Variants in EFNA5 observed in about 807,000 individuals in gnomAD.
EFNA5 encodes ephrin A5, also known as ephrin-A5.
Under a neutral mutation model 22.9 loss-of-function variants are expected in EFNA5, and 5 were observed. That is an observed-to-expected ratio of 0.22 (90% CI 0.11 to 0.46). The LOEUF is 0.46. Among genes scored for constraint, EFNA5 ranks in the 20% least tolerant of loss-of-function variants. EFNA5 has a pLI of 0.99. For synonymous variants in EFNA5, 113 were observed against 112.2 expected (o/e 1.01, Z -0.04); for missense variants, 237 against 293.3 (o/e 0.81, Z 1.40).
intron 2 of EFNA5, among the ~76,000 whole-genome samples, chr5:107,419,436 T>G (rs1364743193): frequency 6.6e-6 from 1 of 152,202 alleles, no homozygotes; most frequent in African/African-American, 2.4e-5. Flanking sequence ...AGACCCGATA[T>G]AATTCTTAAA....
At position 107,417,401 on chromosome 5, in the gene EFNA5, C is replaced by G. The variant is rs538032386; in HGVS notation, c.418+9816G>C. Among the ~76,000 whole-genome samples the G allele has an allele frequency of 4.6e-5, 7 of 152,112 alleles. No individual in the cohort carries two copies. In the East Asian group the frequency reaches 7.7e-4, roughly 17 times the overall value. ...ATAGCATACATATTAAAGTTCTGTT[C>G]CTAATGTGGATTTTATACAATCTGA... On this transcript the variant is annotated intron_variant, in intron 2 of 4. Transcript: ENST00000333274.
intron 1 of EFNA5, among the ~76,000 whole-genome samples, chr5:107,544,112 G>A (rs10053318): frequency 0.17 from 26,549 of 151,946 alleles, 2,431 homozygotes; most frequent in South Asian, 0.23. Flanking sequence ...CTTGCGAATC[G>A]CCCCTGGTGG....
intron 1 of EFNA5, among the ~76,000 whole-genome samples, chr5:107,501,749 T>G (rs26251): frequency 0.37 from 55,711 of 152,084 alleles, 10,371 homozygotes; most frequent in South Asian, 0.5. Flanking sequence ...GCAGCAATTA[T>G]TTTCATAACC....
At chr5:107,540,374 T>C (rs923629310) in intron 1 of EFNA5, among the ~76,000 whole-genome samples, 3 of 152,066 alleles carry the variant, frequency 2.0e-5, no homozygotes, top group African/African-American at 7.2e-5. Context: ...ATAAAAAGAA[T>C]CCCATTTATT....
At chr5:107,473,911 G>A (rs565561873) in intron 1 of EFNA5, among the ~76,000 whole-genome samples, 4 of 151,922 alleles carry the variant, frequency 2.6e-5, no homozygotes, top group South Asian at 2.1e-4. Flanking sequence ...CGCCTTTCTC[G>A]GCCTCCCAAA....
At chr5:107,399,323 A>C (rs1280024118) in intron 2 of EFNA5, among the ~76,000 whole-genome samples, 1 of 95,594 alleles carries the variant, frequency 1.0e-5, no homozygotes, top group Non-Finnish European at 2.3e-5. Flanking sequence ...GGAAACGGAA[A>C]GGAAAGGAAA....
chr5:107,514,176 C>T lies in EFNA5; in HGVS notation c.126-86667G>A, dbSNP rs1747431393. 3.3e-5 allele frequency among the ~76,000 whole-genome samples: 5 copies of T among 152,116 alleles called. No individual in the cohort carries two copies. The South Asian group carries it at 1.0e-3, about 32-fold the overall frequency. On this transcript the variant is annotated intron_variant, in intron 1 of 4. Coordinates refer to ENST00000333274, the MANE Select transcript of EFNA5 (RefSeq NM_001962.3). Reference sequence around the variant, plus strand: ...TCAATCTTCCCTTCTCTTCTGGCACCAAGTTATGAAGCATCCCTGATCTTC... The same window carrying T: ...TCAATCTTCCCTTCTCTTCTGGCACTAAGTTATGAAGCATCCCTGATCTTC...
intron 1 of EFNA5, among the ~76,000 whole-genome samples, chr5:107,508,343 A>C (rs1747294517): frequency 6.6e-6 from 1 of 152,202 alleles, no homozygotes; most frequent in Non-Finnish European, 1.5e-5. Context: ...GTGTGAGGTC[A>C]CCGTATTATA....
chr5:107,670,796 G>T lies in EFNA5; in HGVS notation c.-183C>A. The T allele has an allele frequency of 1.3e-6, 1 of 753,586 alleles. No homozygotes were observed. Among genetic ancestry groups the T allele is most frequent in the Non-Finnish European group, 2.1e-6 (1 of 480,406 alleles). 46.7% of individuals were successfully genotyped at this position (753,586 alleles called of 1,614,324 possible). A position where few individuals can be genotyped will look rare whatever the true frequency, so the allele number is the denominator to read the frequency against. On this transcript the variant is annotated 5_prime_UTR_variant, in exon 1 of 5. Coordinates refer to ENST00000333274, the MANE Select transcript of EFNA5 (RefSeq NM_001962.3). ...CCAAGCTGGGGAGGGGTAGGAGAGC[G>T]AGAAGAAAAGAAGGCGGTGGGATGG...
At chr5:107,383,766 C>G (rs1747532791) in intron 4 of EFNA5, among the ~76,000 whole-genome samples, 1 of 152,178 alleles carries the variant, frequency 6.6e-6, no homozygotes, top group South Asian at 2.1e-4. Flanking sequence ...GAGGGCTATC[C>G]ATTATTCCAG....
intron 1 of EFNA5, among the ~76,000 whole-genome samples, chr5:107,600,600 C>T (rs1369548809): frequency 2.0e-5 from 3 of 151,906 alleles, no homozygotes; most frequent in Non-Finnish European, 4.4e-5. Flanking sequence ...GATTCTCATG[C>T]CTCAGCCTCC....
chr5:107,475,183 T>C (rs1401089642), intron 1 of EFNA5, among the ~76,000 whole-genome samples: 2 of 152,244 alleles, frequency 1.3e-5, no homozygotes, highest in Non-Finnish European at 2.9e-5. Context: ...CAATCCTTTT[T>C]TCTCCCTGTA....
chr5:107,508,554 C>T (rs1580502730), intron 1 of EFNA5, among the ~76,000 whole-genome samples: 1 of 152,332 alleles, frequency 6.6e-6, no homozygotes, highest in Admixed American at 6.5e-5. Context: ...GACAAATTTT[C>T]ATAATAACTT....
At chr5:107,527,206 A>G (rs1031161946) in intron 1 of EFNA5, among the ~76,000 whole-genome samples, 1 of 152,192 alleles carries the variant, frequency 6.6e-6, no homozygotes, top group Admixed American at 6.5e-5. Context: ...TGCAAAGGGT[A>G]TAATATAATC....
At chr5:107,421,406 C>T (rs143776972) in intron 2 of EFNA5, among the ~76,000 whole-genome samples, 1 of 152,140 alleles carries the variant, frequency 6.6e-6, no homozygotes, top group Non-Finnish European at 1.5e-5. Flanking sequence ...TTAAAACATA[C>T]TAATTCCTGA....
intron 1 of EFNA5, among the ~76,000 whole-genome samples, chr5:107,583,240 T>C (rs1467281957): frequency 2.6e-5 from 4 of 152,144 alleles, no homozygotes; most frequent in African/African-American, 7.2e-5. Context: ...CCCTAAAAAA[T>C]AGAGCATCCT....
At chr5:107,447,307 A>G (rs1345046174) in intron 1 of EFNA5, among the ~76,000 whole-genome samples, 1 of 124,702 alleles carries the variant, frequency 8.0e-6, no homozygotes, top group Non-Finnish European at 1.8e-5. Flanking sequence ...TTTTAACTTA[A>G]ACTTTAAAAT....
intron 1 of EFNA5, among the ~76,000 whole-genome samples, chr5:107,436,107 A>G (rs1749102466): frequency 6.6e-6 from 1 of 152,224 alleles, no homozygotes; most frequent in East Asian, 1.9e-4. Context: ...TTGCTTTTCT[A>G]CTACAAGTCA....
intron 2 of EFNA5, among the ~76,000 whole-genome samples, chr5:107,426,252 T>C (rs955447838): frequency 2.0e-5 from 3 of 152,200 alleles, no homozygotes. Context: ...TGAGAATACA[T>C]GGGAAAGGCC....
Sources: gnomAD v4.1 joint callset for allele counts (sites outside exome capture counted in the v4.1 genomes callset) on GRCh38, gnomAD v4.1.1 for gene constraint, MANE v1.5 for transcripts, NCBI Gene and HGNC (gene_info 2026-07-23, HGNC 2026-07-21) for gene names.